FHIT: variants seen among roughly 807,000 people sequenced by gnomAD.
FHIT encodes the protein fragile histidine triad diadenosine triphosphatase, also known as bis(5'-adenosyl)-triphosphatase.
In FHIT, 19 loss-of-function variants were observed where a neutral mutation model predicts 17.9. The observed-to-expected ratio is 1.06, with a 90% CI of 0.74 to 1.56. The LOEUF is 1.56. Ranked by LOEUF, FHIT falls within the 40% of genes most tolerant of loss-of-function variation. The pLI, the probability that FHIT is intolerant of heterozygous loss-of-function variation, is 0.00. For missense variants in FHIT, 248 were observed against 189.2 expected (o/e 1.31, Z -1.82); for synonymous variants, 81 against 69.7 (o/e 1.16, Z -0.81).
At chr3:60,954,460 T>C (rs1435992256) in intron 3 of FHIT, among the ~76,000 whole-genome samples, 1 of 152,208 alleles carries the variant, frequency 6.6e-6, no homozygotes, top group Non-Finnish European at 1.5e-5. Flanking sequence ...ACTCTAGTTA[T>C]TTTAAATTAC....
intron 3 of FHIT, among the ~76,000 whole-genome samples, chr3:60,865,919 T>C (rs1704137955): frequency 6.6e-6 from 1 of 152,116 alleles, no homozygotes; most frequent in Non-Finnish European, 1.5e-5. Context: ...GGAGATAAGA[T>C]TTCTTTTGCA....
chr3:60,466,420 A>C (rs1192955486), intron 5 of FHIT, among the ~76,000 whole-genome samples: 2 of 152,040 alleles, frequency 1.3e-5, no homozygotes, highest in African/African-American at 4.8e-5. Flanking sequence ...ATGTTGAATA[A>C]CAGTGGTGAA....
chr3:60,517,021 C>T (rs1253180905), intron 5 of FHIT, among the ~76,000 whole-genome samples: 2 of 152,150 alleles, frequency 1.3e-5, no homozygotes, highest in Admixed American at 6.5e-5. Context: ...TTCAAAGTCA[C>T]ATCAGACAGG....
intron 3 of FHIT, among the ~76,000 whole-genome samples, chr3:61,040,830 T>A (rs980936583): frequency 6.6e-6 from 1 of 152,192 alleles, no homozygotes; most frequent in African/African-American, 2.4e-5. Flanking sequence ...ATTCCCCCGA[T>A]GGAAACTCTT....
chr3:60,133,035 C>T (rs1318933270), intron 5 of FHIT, among the ~76,000 whole-genome samples: 1 of 152,040 alleles, frequency 6.6e-6, no homozygotes, highest in Admixed American at 6.6e-5. Context: ...TGTACACCTA[C>T]CGAAACATGA....
intron 4 of FHIT, among the ~76,000 whole-genome samples, chr3:60,586,557 C>A (rs1252195009): frequency 1.3e-5 from 2 of 151,966 alleles, no homozygotes; most frequent in African/African-American, 4.8e-5. Context: ...TTCACTGCAG[C>A]ACTATTCACA....
At chr3:60,760,999 T>C (rs1231619547) in intron 4 of FHIT, among the ~76,000 whole-genome samples, 4 of 152,164 alleles carry the variant, frequency 2.6e-5, no homozygotes, top group Non-Finnish European at 5.9e-5. Flanking sequence ...GAAAAATAAA[T>C]CTGAAGCCTT....
chr3:60,163,566 G>T (rs550537808), intron 5 of FHIT, among the ~76,000 whole-genome samples: 1 of 152,178 alleles, frequency 6.6e-6, no homozygotes, highest in East Asian at 1.9e-4. Flanking sequence ...ACCCATCTCT[G>T]CCACCTTGCT....
intron 4 of FHIT, among the ~76,000 whole-genome samples, chr3:60,672,734 A>C (rs1205842716): frequency 6.6e-6 from 1 of 152,072 alleles, no homozygotes; most frequent in Non-Finnish European, 1.5e-5. Context: ...ATTCAGTTTT[A>C]AGTCTACCAT....
chr3:60,491,856 A>T (rs2034081763), intron 5 of FHIT, among the ~76,000 whole-genome samples: 1 of 152,176 alleles, frequency 6.6e-6, no homozygotes. Flanking sequence ...AAACACAATG[A>T]AATGTTCCAT....
chr3:60,883,432 A>T (rs1553758481), intron 3 of FHIT, among the ~76,000 whole-genome samples: 1 of 152,212 alleles, frequency 6.6e-6, no homozygotes, highest in African/African-American at 2.4e-5. Flanking sequence ...AAAAGAACAA[A>T]GCTGGAGGTA....
intron 5 of FHIT, among the ~76,000 whole-genome samples, chr3:60,049,988 G>T (rs1442076604): frequency 1.3e-5 from 2 of 152,088 alleles, no homozygotes; most frequent in Non-Finnish European, 2.9e-5. Flanking sequence ...GGTCAACTTG[G>T]TGGTTATAGA....
At chr3:61,019,204 A>C (rs527671425) in intron 3 of FHIT, among the ~76,000 whole-genome samples, 4 of 152,340 alleles carry the variant, frequency 2.6e-5, no homozygotes, top group African/African-American at 9.6e-5. Flanking sequence ...ATTTATATGT[A>C]TGTCTTCTCT....
At chr3:60,693,355 T>G (rs137961122) in intron 4 of FHIT, among the ~76,000 whole-genome samples, 225 of 152,342 alleles carry the variant, frequency 1.5e-3, no homozygotes, top group Non-Finnish European at 2.6e-3. Flanking sequence ...TAATTTCGTA[T>G]AGCAGTAATT....
At chr3:61,055,169 C>G in intron 2 of FHIT, among the ~76,000 whole-genome samples, 1 of 152,040 alleles carries the variant, frequency 6.6e-6, no homozygotes, top group East Asian at 1.9e-4. Context: ...AGGCTTTAGA[C>G]AAGGTCTGTG....
chr3:61,222,828 T>C (rs1384754398), intron 1 of FHIT, among the ~76,000 whole-genome samples: 3 of 152,160 alleles, frequency 2.0e-5, no homozygotes, highest in Admixed American at 6.5e-5. Flanking sequence ...GGGCAGCATC[T>C]GTCACGAATT....
intron 5 of FHIT, among the ~76,000 whole-genome samples, chr3:60,422,532 T>C (rs139524397): frequency 2.5e-3 from 382 of 152,286 alleles, no homozygotes; most frequent in African/African-American, 8.6e-3. Flanking sequence ...TTTGTTGTTG[T>C]TATTGCTATT....
At chr3:60,472,443 AC>A (rs999035605) in intron 5 of FHIT, among the ~76,000 whole-genome samples, 6 of 145,980 alleles carry the variant, frequency 4.1e-5, no homozygotes, top group Non-Finnish European at 8.9e-5. Flanking sequence ...ATCTCGGCTC[AC>A]TGCAAGCTCC....
chr3:60,094,078 T>A (rs115855969), intron 5 of FHIT, among the ~76,000 whole-genome samples: 1,828 of 151,420 alleles, frequency 0.012, 22 homozygotes, highest in South Asian at 0.044. Context: ...AACCAAAATT[T>A]AAAAAAAAAT....
Sources: gnomAD v4.1 joint callset for allele counts (sites outside exome capture counted in the v4.1 genomes callset) on GRCh38, gnomAD v4.1.1 for gene constraint, MANE v1.5 for transcripts, NCBI Gene and HGNC (gene_info 2026-07-23, HGNC 2026-07-21) for gene names.